The following IQSEC1 variants were observed in gnomAD, a reference collection of about 807,000 sequenced individuals.
IQSEC1 encodes the protein IQ motif and Sec7 domain ArfGEF 1.
A neutral mutation model predicts 91.0 loss-of-function variants in IQSEC1; 31 were observed. The observed-to-expected ratio is 0.34, with a 90% CI of 0.26 to 0.46. The LOEUF (loss-of-function observed/expected upper bound fraction) is 0.46, where lower values mean the gene tolerates loss of function less well. Ranked by LOEUF, IQSEC1 falls within the 20% of genes least tolerant of loss-of-function variation. The probability of loss-of-function intolerance (pLI) is 1.00; values close to 1 mark genes in which losing one functional copy is unlikely to be tolerated. For synonymous variants in IQSEC1, 699 were observed against 662.6 expected, an observed-to-expected ratio of 1.05 and a Z score of -0.84; for missense variants, 1,388 against 1,575.6, an observed-to-expected ratio of 0.88 and a Z score of 2.02.
chr3:13,234,372 T>C (rs1191359526), intron 1 of IQSEC1, among the ~76,000 whole-genome samples: 1 of 145,046 alleles, frequency 6.9e-6, no homozygotes, highest in Non-Finnish European at 1.5e-5. Context: ...GAGCACCATG[T>C]CCATGTGAGC....
chr3:13,149,506 G>C (rs1706955189), intron 2 of IQSEC1, among the ~76,000 whole-genome samples: 1 of 152,140 alleles, frequency 6.6e-6, no homozygotes, highest in Non-Finnish European at 1.5e-5. Flanking sequence ...GAGGGGCACT[G>C]CAAGCTGGGG....
intron 1 of IQSEC1, among the ~76,000 whole-genome samples, chr3:13,269,053 T>C (rs1252133730): frequency 6.6e-6 from 1 of 152,168 alleles, no homozygotes; most frequent in African/African-American, 2.4e-5. Flanking sequence ...AACAGAGGTG[T>C]GGGCTGGGTA....
At chr3:13,086,188 G>A (rs535158102) in intron 2 of IQSEC1, among the ~76,000 whole-genome samples, 8 of 152,340 alleles carry the variant, frequency 5.3e-5, no homozygotes, top group African/African-American at 1.9e-4. Context: ...TGGGCAAGGG[G>A]CTGCTGACTC....
intron 1 of IQSEC1, among the ~76,000 whole-genome samples, chr3:13,176,771 T>C (rs1217951392): frequency 1.3e-5 from 2 of 152,214 alleles, no homozygotes; most frequent in Non-Finnish European, 2.9e-5. Flanking sequence ...GGCCAGCTTT[T>C]AAATGCGTCA....
At chr3:13,267,950 G>C (rs1210745016) in intron 1 of IQSEC1, among the ~76,000 whole-genome samples, 2 of 152,112 alleles carry the variant, frequency 1.3e-5, no homozygotes, top group African/African-American at 4.8e-5. Context: ...AGAAGGCTGT[G>C]CCCCCCCTTA....
chr3:13,048,573 C>G (rs902005430), intron 1 of IQSEC1, among the ~76,000 whole-genome samples: 2 of 152,224 alleles, frequency 1.3e-5, no homozygotes, highest in Non-Finnish European at 2.9e-5. Context: ...CATTCTGGGC[C>G]CAAGCTGGGT....
At chr3:13,181,240 C>T (rs145038902) in intron 1 of IQSEC1, among the ~76,000 whole-genome samples, 2,232 of 152,332 alleles carry the variant, frequency 0.015, 25 homozygotes, top group Middle Eastern at 0.051. Context: ...CACTGCACTC[C>T]AGACTGGGCG....
intron 2 of IQSEC1, among the ~76,000 whole-genome samples, chr3:13,124,214 C>A (rs1312280883): frequency 6.6e-6 from 1 of 152,192 alleles, no homozygotes; most frequent in African/African-American, 2.4e-5. Flanking sequence ...GCATCAGGAC[C>A]CAAGTCACCT....
chr3:13,042,174 G>A (rs760028387), intron 1 of IQSEC1: 16 of 152,252 alleles, frequency 1.1e-4, no homozygotes, highest in Non-Finnish European at 1.3e-4. Flanking sequence ...GGCCAGTGAC[G>A]GGGACCCTCC....
intron 1 of IQSEC1, among the ~76,000 whole-genome samples, chr3:13,168,954 T>C (rs73132623): frequency 0.053 from 8,082 of 152,310 alleles, 693 homozygotes; most frequent in African/African-American, 0.18. Context: ...TCTTTCCTAA[T>C]AGAACGTCAG....
intron 6 of IQSEC1, among the ~76,000 whole-genome samples, chr3:12,918,921 TAAAAC>T (rs1044011805): frequency 2.0e-5 from 3 of 152,032 alleles, no homozygotes; most frequent in African/African-American, 7.2e-5. Context: ...ATGAAGTAAT[TAAAAC>T]AAATCAGAGA....
intron 3 of IQSEC1, among the ~76,000 whole-genome samples, chr3:12,934,899 C>T (rs975090229): frequency 3.3e-5 from 5 of 152,028 alleles, no homozygotes; most frequent in African/African-American, 7.2e-5. Context: ...TGTCTGAGTT[C>T]CTTCCATCCA....
At chr3:13,268,358 C>G (rs1317815342) in intron 1 of IQSEC1, among the ~76,000 whole-genome samples, 1 of 152,210 alleles carries the variant, frequency 6.6e-6, no homozygotes, top group East Asian at 1.9e-4. Context: ...AAAAAAGGAT[C>G]AGCTAGCACA....
At chr3:12,976,790 A>C (rs1234950228) in intron 1 of IQSEC1, among the ~76,000 whole-genome samples, 1 of 152,170 alleles carries the variant, frequency 6.6e-6, no homozygotes, top group Non-Finnish European at 1.5e-5. Flanking sequence ...TCTGCTGGAC[A>C]GGTGAATCAT....
chr3:13,046,282 C>T (rs911251447), intron 1 of IQSEC1, among the ~76,000 whole-genome samples: 2 of 152,204 alleles, frequency 1.3e-5, no homozygotes, highest in Admixed American at 6.5e-5. Flanking sequence ...GTGGAGTGTC[C>T]GTGCAGAGGA....
chr3:13,201,686 C>T (rs1694249733), intron 1 of IQSEC1, among the ~76,000 whole-genome samples: 2 of 152,188 alleles, frequency 1.3e-5, no homozygotes, highest in Admixed American at 6.5e-5. Context: ...CACGGGGTCA[C>T]AGGCATGGCC....
chr3:13,126,264 C>T (rs4684910), intron 2 of IQSEC1, among the ~76,000 whole-genome samples: 1,880 of 152,280 alleles, frequency 0.012, 147 homozygotes, highest in Admixed American at 0.11. Flanking sequence ...TGTTTATAAA[C>T]GGGATCATAT....
intron 1 of IQSEC1, among the ~76,000 whole-genome samples, chr3:13,249,085 G>A (rs1460688054): frequency 6.6e-6 from 1 of 151,866 alleles, no homozygotes; most frequent in African/African-American, 2.4e-5. Context: ...TCCTTGTTGG[G>A]TCTCAGCTCT....
chr3:13,143,358 G>T (rs1185354671), intron 2 of IQSEC1, among the ~76,000 whole-genome samples: 2 of 152,204 alleles, frequency 1.3e-5, no homozygotes, highest in African/African-American at 2.4e-5. Context: ...CTGGGGAGGA[G>T]GTGGTCAGAG....
Sources: allele counts gnomAD v4.1 joint callset (sites outside exome capture counted in the v4.1 genomes callset), GRCh38; gene constraint gnomAD v4.1.1; transcripts MANE v1.5; gene names NCBI Gene and HGNC (gene_info 2026-07-23, HGNC 2026-07-21).